The following EFNA5 variants were observed in gnomAD, a reference collection of about 807,000 sequenced individuals.
EFNA5 encodes the protein ephrin A5, also known as ephrin-A5.
A neutral mutation model predicts 22.9 loss-of-function variants in EFNA5; 5 were observed. The observed-to-expected ratio is 0.22, with a 90% CI of 0.11 to 0.46. The LOEUF (loss-of-function observed/expected upper bound fraction) is 0.46, where lower values mean the gene tolerates loss of function less well. Among genes scored for constraint, EFNA5 ranks in the 20% least tolerant of loss-of-function variants. EFNA5 has a pLI of 0.99. For synonymous variants in EFNA5, 113 were observed against 112.2 expected (o/e 1.01, Z -0.04); for missense variants, 237 against 293.3 (o/e 0.81, Z 1.40).
At chr5:107,455,309 A>C (rs1394959141) in intron 1 of EFNA5, among the ~76,000 whole-genome samples, 2 of 152,138 alleles carry the variant, frequency 1.3e-5, no homozygotes, top group African/African-American at 2.4e-5. Context: ...ACATCCTGAA[A>C]CGTGAGCATT....
At chr5:107,663,759 C>A (rs1751013702) in intron 1 of EFNA5, among the ~76,000 whole-genome samples, 1 of 152,030 alleles carries the variant, frequency 6.6e-6, no homozygotes, top group South Asian at 2.1e-4. Context: ...TTCTGATATG[C>A]ATATAAAAAT....
At chr5:107,443,457 G>C (rs779619069) in intron 1 of EFNA5, among the ~76,000 whole-genome samples, 2 of 152,210 alleles carry the variant, frequency 1.3e-5, no homozygotes, top group Non-Finnish European at 2.9e-5. Context: ...AGGGGGAACA[G>C]AGTATCATTC....
intron 1 of EFNA5, among the ~76,000 whole-genome samples, chr5:107,553,433 C>T (rs1363801936): frequency 6.6e-6 from 1 of 152,204 alleles, no homozygotes; most frequent in East Asian, 1.9e-4. Context: ...GAGTAATCTA[C>T]TCCATAGGGT....
intron 1 of EFNA5, among the ~76,000 whole-genome samples, chr5:107,666,679 G>A (rs1751081677): frequency 6.6e-6 from 1 of 152,072 alleles, no homozygotes; most frequent in Admixed American, 6.5e-5. Flanking sequence ...AAGTGTGTTG[G>A]TCATATTTGC....
chr5:107,482,850 CTCTCTCTCTCTCTCTCTCTCTATA>C (rs1750516939), intron 1 of EFNA5, among the ~76,000 whole-genome samples: 3 of 66,996 alleles, frequency 4.5e-5, no homozygotes, highest in African/African-American at 2.0e-4. Flanking sequence ...CTCTCTCTCT[CTCTCTCTCTCTCTCTCTCTCTATA>C]TATATATATA....
rs989877234 is a variant in EFNA5, at chr5:107,594,413, G to A, written c.125+76076C>T. ...ACAGAAAGGCAGTCTTCCAAGGCAG[G>A]GGGCAGGAGGAGAGGAAAAACTGAG... On this transcript the variant is annotated intron_variant, in intron 1 of 4. Coordinates refer to ENST00000333274, the MANE Select transcript of EFNA5 (RefSeq NM_001962.3). Among the ~76,000 whole-genome samples, 3 of 152,156 alleles carry A rather than the reference G, an allele frequency of 2.0e-5. No individual in the cohort carries two copies. In the South Asian group the frequency reaches 6.2e-4, roughly 31 times the overall value.
At chr5:107,472,506 T>C (rs775963422) in intron 1 of EFNA5, among the ~76,000 whole-genome samples, 36 of 152,358 alleles carry the variant, frequency 2.4e-4, no homozygotes, top group Middle Eastern at 3.4e-3. Flanking sequence ...CTTACACTCC[T>C]GGCTGCAAAT....
intron 1 of EFNA5, among the ~76,000 whole-genome samples, chr5:107,497,754 A>C (rs1485809479): frequency 6.6e-6 from 1 of 152,252 alleles, no homozygotes; most frequent in African/African-American, 2.4e-5. Context: ...AAACAGTGCC[A>C]TTAAGAACAC....
At chr5:107,429,156 C>T (rs1475174692) in intron 1 of EFNA5, among the ~76,000 whole-genome samples, 2 of 152,150 alleles carry the variant, frequency 1.3e-5, no homozygotes, top group Non-Finnish European at 2.9e-5. Context: ...AATATACCAC[C>T]TTCTAGCCGG....
chr5:107,438,034 G>A (rs1749161707), intron 1 of EFNA5, among the ~76,000 whole-genome samples: 1 of 152,174 alleles, frequency 6.6e-6, no homozygotes, highest in Admixed American at 6.5e-5. Context: ...AGTGATGCCA[G>A]GCTAATTGTT....
chr5:107,398,810 G>A (rs1290221690), intron 2 of EFNA5, among the ~76,000 whole-genome samples: 1 of 128,346 alleles, frequency 7.8e-6, no homozygotes, highest in Non-Finnish European at 1.6e-5. Flanking sequence ...AGCCGTGTCT[G>A]TACCACTGCA....
At chr5:107,463,251 T>A (rs1749882663) in intron 1 of EFNA5, among the ~76,000 whole-genome samples, 1 of 152,158 alleles carries the variant, frequency 6.6e-6, no homozygotes, top group African/African-American at 2.4e-5. Context: ...CAGATTACAA[T>A]GAAATATATA....
chr5:107,475,714 CAG>C (rs891477790), intron 1 of EFNA5, among the ~76,000 whole-genome samples: 1 of 152,076 alleles, frequency 6.6e-6, no homozygotes, highest in African/African-American at 2.4e-5. Context: ...CATCTTAAGA[CAG>C]AAGATTTGTC....
chr5:107,536,040 G>T (rs1220548833), intron 1 of EFNA5, among the ~76,000 whole-genome samples: 1 of 152,100 alleles, frequency 6.6e-6, no homozygotes, highest in Admixed American at 6.5e-5. Flanking sequence ...CTCATCAGTG[G>T]CAGGAACCAC....
chr5:107,630,388 C>T (rs1750224843), intron 1 of EFNA5, among the ~76,000 whole-genome samples: 1 of 152,194 alleles, frequency 6.6e-6, no homozygotes, highest in Admixed American at 6.5e-5. Context: ...AGCTACAAAC[C>T]TGTATAGCAA....
chr5:107,405,555 T>C (rs998362493), intron 2 of EFNA5, among the ~76,000 whole-genome samples: 1 of 152,214 alleles, frequency 6.6e-6, no homozygotes, highest in Non-Finnish European at 1.5e-5. Flanking sequence ...TGTGTTAACA[T>C]TTTTCTATAC....
chr5:107,612,229 T>C (rs948019710), intron 1 of EFNA5, among the ~76,000 whole-genome samples: 2 of 152,186 alleles, frequency 1.3e-5, no homozygotes, highest in Non-Finnish European at 2.9e-5. Context: ...AGGCAAATTT[T>C]ACTGATAAAT....
At chr5:107,566,384 T>C (rs1748668147) in intron 1 of EFNA5, among the ~76,000 whole-genome samples, 1 of 152,180 alleles carries the variant, frequency 6.6e-6, no homozygotes, top group African/African-American at 2.4e-5. Context: ...TAGCTTGGAC[T>C]CTATCGACGA....
intron 1 of EFNA5, among the ~76,000 whole-genome samples, chr5:107,498,694 A>G (rs1203275280): frequency 6.6e-6 from 1 of 152,138 alleles, no homozygotes; most frequent in Admixed American, 6.5e-5. Context: ...GGCCCTTCTG[A>G]GCTCAGGGCC....
Sources: gnomAD v4.1 joint callset for allele counts (sites outside exome capture counted in the v4.1 genomes callset) on GRCh38, gnomAD v4.1.1 for gene constraint, MANE v1.5 for transcripts, NCBI Gene and HGNC (gene_info 2026-07-23, HGNC 2026-07-21) for gene names.